PRKG1: variants seen among roughly 807,000 people sequenced by gnomAD.
PRKG1 encodes protein kinase cGMP-dependent 1, also known as cGMP-dependent protein kinase 1.
A neutral mutation model predicts 88.1 loss-of-function variants in PRKG1; 35 were observed. That is an observed-to-expected ratio of 0.40 (90% confidence interval 0.30 to 0.53). The LOEUF (loss-of-function observed/expected upper bound fraction) is 0.53, where lower values mean the gene tolerates loss of function less well. Ranked by LOEUF, PRKG1 falls within the 20% of genes least tolerant of loss-of-function variation. The probability of loss-of-function intolerance (pLI) is 0.59; values close to 1 mark genes in which losing one functional copy is unlikely to be tolerated. For missense variants in PRKG1, 540 were observed against 839.8 expected, an observed-to-expected ratio of 0.64 and a Z score of 4.41; for synonymous variants, 303 against 292.5, an observed-to-expected ratio of 1.04 and a Z score of -0.37.
At chr10:51,256,033 C>T (rs1442735876) in intron 2 of PRKG1, among the ~76,000 whole-genome samples, 2 of 152,030 alleles carry the variant, frequency 1.3e-5, no homozygotes, top group African/African-American at 4.8e-5. Context: ...ACAAAATGTC[C>T]CCAGTGCTTT....
intron 5 of PRKG1, among the ~76,000 whole-genome samples, chr10:51,969,998 TCATA>T (rs1222956117): frequency 5.1e-5 from 5 of 97,132 alleles, no homozygotes; most frequent in Non-Finnish European, 8.4e-5. Context: ...CCCATTCTCT[TCATA>T]CACACACACA....
At chr10:52,072,577 C>A (rs986735502) in intron 7 of PRKG1, among the ~76,000 whole-genome samples, 1 of 152,158 alleles carries the variant, frequency 6.6e-6, no homozygotes, top group Non-Finnish European at 1.5e-5. Context: ...AAAGTAAACT[C>A]ATTTTCTTTC....
intron 3 of PRKG1, among the ~76,000 whole-genome samples, chr10:51,661,098 T>C (rs1840287646): frequency 6.6e-6 from 1 of 152,064 alleles, no homozygotes; most frequent in Non-Finnish European, 1.5e-5. Context: ...AGTGAGTCCA[T>C]ATATAAAGAA....
At chr10:51,196,292 T>C (rs1423452405) in intron 2 of PRKG1, among the ~76,000 whole-genome samples, 3 of 152,208 alleles carry the variant, frequency 2.0e-5, no homozygotes, top group African/African-American at 7.2e-5. Flanking sequence ...GAATTGCATG[T>C]ATTTGAAGGC....
At chr10:51,070,716 A>C (rs1308289447), upstream of PRKG1, among the ~76,000 whole-genome samples, 1 of 152,198 alleles carries the variant, frequency 6.6e-6, no homozygotes, top group Non-Finnish European at 1.5e-5. Context: ...CTGAGAATCC[A>C]TTAAGGAAGG....
At chr10:51,863,921 A>G (rs78984266) in intron 4 of PRKG1, among the ~76,000 whole-genome samples, 13,520 of 152,174 alleles carry the variant, frequency 0.089, 751 homozygotes, top group African/African-American at 0.14. Context: ...TCTAATTCAC[A>G]TGGAAAGGAT....
intron 1 of PRKG1, among the ~76,000 whole-genome samples, chr10:51,058,879 GTATT>G (rs1281152997): frequency 3.3e-5 from 5 of 152,210 alleles, no homozygotes; most frequent in East Asian, 1.9e-4. Context: ...TGATGTATGA[GTATT>G]TAGTTGATGC....
rs141105509 is a variant in PRKG1 at position 51,377,397 on chromosome 10, C to A, written c.479-90326C>A. Among the ~76,000 whole-genome samples, 451 of 152,310 alleles carry A rather than the reference C, an allele frequency of 3.0e-3. 4 individuals carry two copies. The highest frequency in any genetic ancestry group is 0.01 in the African/African-American group (423 of 41,564). On this transcript the variant is annotated intron_variant, in intron 2 of 17. Transcript: ENST00000373980. ...CTCAGTAAATGAAGGCCATTACTAT[C>A]ATATTATGTGTTCATAAGTTATTTT...
intron 3 of PRKG1, among the ~76,000 whole-genome samples, chr10:51,615,504 T>G (rs977109874): frequency 6.6e-6 from 1 of 152,112 alleles, no homozygotes; most frequent in African/African-American, 2.4e-5. Flanking sequence ...CCATGAATGC[T>G]TTGCTCATTC....
At chr10:52,110,270 T>TCG (rs1444833749) in intron 7 of PRKG1, among the ~76,000 whole-genome samples, 259 of 150,594 alleles carry the variant, frequency 1.7e-3, no homozygotes, top group African/African-American at 5.9e-3. Context: ...ATGGCGTGCT[T>TCG]GCAGTGAGCG....
At chr10:51,457,353 A>C (rs1306428035) in intron 2 of PRKG1, among the ~76,000 whole-genome samples, 1 of 152,198 alleles carries the variant, frequency 6.6e-6, no homozygotes, top group Non-Finnish European at 1.5e-5. Flanking sequence ...GTATGTTCTC[A>C]CTTATAAGTG....
At chr10:51,051,285 T>A (rs927518618) in intron 1 of PRKG1, among the ~76,000 whole-genome samples, 10 of 152,278 alleles carry the variant, frequency 6.6e-5, no homozygotes, top group African/African-American at 1.9e-4. Context: ...AAGAGTTTTA[T>A]CACTTCATGT....
intron 2 of PRKG1, among the ~76,000 whole-genome samples, chr10:51,219,500 G>A: frequency 6.6e-6 from 1 of 151,872 alleles, no homozygotes; most frequent in East Asian, 1.9e-4. Flanking sequence ...ACAAGGTCAG[G>A]GGTTTGAGAC....
chr10:51,133,075 G>A (rs980253493), intron 1 of PRKG1, among the ~76,000 whole-genome samples: 13 of 152,128 alleles, frequency 8.5e-5, no homozygotes, highest in Admixed American at 1.3e-4. Context: ...GGTGGATGGT[G>A]AGAAGTACCC....
At chr10:51,264,214 G>A (rs1296526262) in intron 2 of PRKG1, among the ~76,000 whole-genome samples, 1 of 152,304 alleles carries the variant, frequency 6.6e-6, no homozygotes, top group East Asian at 1.9e-4. Flanking sequence ...CCTGATGTAT[G>A]TCAAGAGCAT....
At chr10:51,922,983 T>A (rs970530403) in intron 5 of PRKG1, among the ~76,000 whole-genome samples, 10 of 152,082 alleles carry the variant, frequency 6.6e-5, no homozygotes, top group African/African-American at 2.2e-4. Context: ...CAATTACCAA[T>A]AACAGGGTAT....
intron 3 of PRKG1, among the ~76,000 whole-genome samples, chr10:51,647,348 C>A (rs1383065331): frequency 6.6e-6 from 1 of 152,152 alleles, no homozygotes; most frequent in South Asian, 2.1e-4. Context: ...AAAAGACTCA[C>A]ATTTCATGGA....
At chr10:51,003,471 A>C (rs1255377863) in intron 1 of PRKG1, among the ~76,000 whole-genome samples, 1 of 152,216 alleles carries the variant, frequency 6.6e-6, no homozygotes, top group African/African-American at 2.4e-5. Flanking sequence ...TTAGAAAAAG[A>C]AGAAAAAGTT....
intron 8 of PRKG1, among the ~76,000 whole-genome samples, chr10:52,137,128 C>T (rs1297246460): frequency 1.3e-5 from 2 of 152,010 alleles, no homozygotes; most frequent in Non-Finnish European, 2.9e-5. Flanking sequence ...AAGTAGCTTC[C>T]TTTACAAATT....
Sources: allele counts gnomAD v4.1 joint callset (sites outside exome capture counted in the v4.1 genomes callset), GRCh38; gene constraint gnomAD v4.1.1; transcripts MANE v1.5; gene names NCBI Gene and HGNC (gene_info 2026-07-23, HGNC 2026-07-21).